GFRA2: variants seen among roughly 807,000 people sequenced by gnomAD.
GFRA2 encodes GDNF family receptor alpha-2.
GFRA2 carries 17 observed loss-of-function variants against 48.3 expected under a neutral mutation model. The observed-to-expected ratio is 0.35, with a 90% CI of 0.24 to 0.53. The LOEUF (loss-of-function observed/expected upper bound fraction) is 0.53, where lower values mean the gene tolerates loss of function less well. Ranked by LOEUF, GFRA2 falls within the 20% of genes least tolerant of loss-of-function variation. GFRA2 has a pLI of 0.93. For synonymous variants in GFRA2, 305 were observed against 257.2 expected, an observed-to-expected ratio of 1.19 and a Z score of -1.78; for missense variants, 660 against 637.3, an observed-to-expected ratio of 1.04 and a Z score of -0.38.
At chr8:21,749,233 C>A in intron 4 of GFRA2, among the ~76,000 whole-genome samples, 1 of 151,244 alleles carries the variant, frequency 6.6e-6, no homozygotes, top group Non-Finnish European at 1.5e-5. Flanking sequence ...CCCGCCCCTC[C>A]CCCTGCAAAA....
At chr8:21,809,940 C>T (rs1159987847) in intron 1 of GFRA2, among the ~76,000 whole-genome samples, 1 of 152,150 alleles carries the variant, frequency 6.6e-6, no homozygotes, top group African/African-American at 2.4e-5. Context: ...TGATGGGATC[C>T]AGTACCTTAA....
At chr8:21,802,009 C>G (rs1335216757) in intron 2 of GFRA2, among the ~76,000 whole-genome samples, 1 of 152,244 alleles carries the variant, frequency 6.6e-6, no homozygotes, top group Non-Finnish European at 1.5e-5. Context: ...CAGCACGCTG[C>G]CTTGCTCTAG....
At chr8:21,792,508 G>A (rs78966340), upstream of GFRA2, among the ~76,000 whole-genome samples, 11,078 of 152,252 alleles carry the variant, frequency 0.073, 781 homozygotes, top group East Asian at 0.27. Flanking sequence ...AGGGCCAACG[G>A]CTGTGGGGAA....
intron 3 of GFRA2, among the ~76,000 whole-genome samples, chr8:21,759,321 G>A (rs36156802): frequency 1.3e-5 from 2 of 150,578 alleles, no homozygotes; most frequent in African/African-American, 2.5e-5. Flanking sequence ...AGGAGGCAGA[G>A]GTTGCAGAGA....
chr8:21,797,287 C>CCT (rs1807694349), intron 2 of GFRA2, among the ~76,000 whole-genome samples: 1 of 85,638 alleles, frequency 1.2e-5, no homozygotes, highest in African/African-American at 4.8e-5. Context: ...CCTTTCTTTG[C>CCT]TTTTTTTTTT....
chr8:21,763,732 C>A (rs182161571), intron 3 of GFRA2, among the ~76,000 whole-genome samples: 146 of 152,014 alleles, frequency 9.6e-4, no homozygotes, highest in Non-Finnish European at 1.8e-3. Context: ...CAGACCCTGA[C>A]CCCCTGACCC....
At chr8:21,804,466 A>G (rs1434805176) in intron 2 of GFRA2, among the ~76,000 whole-genome samples, 2 of 151,824 alleles carry the variant, frequency 1.3e-5, no homozygotes, top group Admixed American at 6.6e-5. Context: ...TGCATTAGAT[A>G]TGCCCTAGGG....
At chr8:21,785,578 G>T (rs1272877050) in intron 1 of GFRA2, among the ~76,000 whole-genome samples, 6 of 152,180 alleles carry the variant, frequency 3.9e-5, no homozygotes, top group African/African-American at 1.4e-4. Flanking sequence ...GTAGAGGGGG[G>T]TGGAGAAGCG....
At chr8:21,719,678 A>G (rs1803502296) in intron 4 of GFRA2, among the ~76,000 whole-genome samples, 1 of 152,228 alleles carries the variant, frequency 6.6e-6, no homozygotes, top group African/African-American at 2.4e-5. Context: ...CTAGGTAGCC[A>G]GCCAGCTGAA....
intron 4 of GFRA2, among the ~76,000 whole-genome samples, chr8:21,719,441 G>A (rs1026191356): frequency 4.1e-5 from 6 of 145,190 alleles, no homozygotes; most frequent in East Asian, 2.0e-4. Context: ...CTTATTACTC[G>A]GCAAGAGGAG....
chr8:21,693,973 T>A (rs146361444), intron 8 of GFRA2, among the ~76,000 whole-genome samples: 284 of 149,264 alleles, frequency 1.9e-3, no homozygotes, highest in African/African-American at 6.3e-3. Flanking sequence ...GTCTTGGGTC[T>A]ATAAGTCATA....
Position 21,691,324 on chromosome 8 carries a change from A to C in GFRA2, c.*1954T>G, listed in dbSNP as rs1229507981. On this transcript the variant is annotated 3_prime_UTR_variant, in exon 9 of 9. Transcript: ENST00000524240. ...CATGCTCACATACATGGACACACAC[A>C]CACTTGGCCAGCAGGCATTCTCCTG... 1 of 152,160 alleles carries C rather than the reference A, an allele frequency of 6.6e-6. No individual in the cohort carries two copies. Among genetic ancestry groups the C allele is most frequent in the East Asian group, 1.9e-4 (1 of 5,192 alleles). The allele number at this position is 152,160 out of a possible 1,614,324, so 9.4% of individuals were successfully genotyped here.
chr8:21,767,049 C>G (rs1327558008), intron 3 of GFRA2, among the ~76,000 whole-genome samples: 1 of 121,310 alleles, frequency 8.2e-6, no homozygotes, highest in Non-Finnish European at 1.8e-5. Flanking sequence ...ACAAAACCAC[C>G]ACACACGCAT....
chr8:21,739,663 T>A (rs1804654223), intron 4 of GFRA2, among the ~76,000 whole-genome samples: 2 of 152,104 alleles, frequency 1.3e-5, no homozygotes, highest in Non-Finnish European at 2.9e-5. Context: ...GCCTCCCCCC[T>A]GGGGATGCCC....
chr8:21,733,987 AG>A (rs1480336313), intron 4 of GFRA2, among the ~76,000 whole-genome samples: 1 of 150,172 alleles, frequency 6.7e-6, no homozygotes, highest in Non-Finnish European at 1.5e-5. Flanking sequence ...TCCACAGGGG[AG>A]GGAGGGCAGG....
chr8:21,769,094 A>G (rs1806317214), intron 3 of GFRA2: 3 of 780,344 alleles, frequency 3.8e-6, no homozygotes, highest in Non-Finnish European at 4.7e-6. Context: ...CAAGCCACTT[A>G]GGGAGTGCCT....
chr8:21,762,872 A>G (rs1585313107), intron 3 of GFRA2, among the ~76,000 whole-genome samples: 1 of 152,202 alleles, frequency 6.6e-6, no homozygotes, highest in African/African-American at 2.4e-5. Flanking sequence ...TCCCACAATG[A>G]TGAGTTGGGT....
chr8:21,735,959 T>C (rs1804440626), intron 4 of GFRA2, among the ~76,000 whole-genome samples: 1 of 152,250 alleles, frequency 6.6e-6, no homozygotes, highest in South Asian at 2.1e-4. Context: ...GGCCACATTC[T>C]TGTTGCTTTC....
At chr8:21,791,496 T>C (rs1396889202), upstream of GFRA2, among the ~76,000 whole-genome samples, 1 of 151,798 alleles carries the variant, frequency 6.6e-6, no homozygotes, top group Non-Finnish European at 1.5e-5. Flanking sequence ...CAAACTGCTC[T>C]TAAAAATGGC....
Sources: allele counts gnomAD v4.1 joint callset (sites outside exome capture counted in the v4.1 genomes callset), GRCh38; gene constraint gnomAD v4.1.1; transcripts MANE v1.5; gene names NCBI Gene and HGNC (gene_info 2026-07-23, HGNC 2026-07-21).